TUBB8: variants seen among roughly 807,000 people sequenced by gnomAD.
TUBB8 encodes the protein tubulin beta-8 chain.
A neutral mutation model predicts 33.7 loss-of-function variants in TUBB8; 25 were observed. That is an observed-to-expected ratio of 0.74 (90% CI 0.54 to 1.04). TUBB8 has a LOEUF of 1.04. TUBB8 is among the 50% of genes least tolerant of loss of function. The pLI is 0.00. For missense variants in TUBB8, 279 were observed against 608.0 expected (o/e 0.46, Z 5.69); for synonymous variants, 245 against 240.1 (o/e 1.02, Z -0.19).
At chr10:53,130 TTTA>T (rs1834489367), upstream of TUBB8, among the ~76,000 whole-genome samples, 1 of 151,830 alleles carries the variant, frequency 6.6e-6, no homozygotes, top group Non-Finnish European at 1.5e-5. Flanking sequence ...TTTATTTTTA[TTTA>T]TTATTATTAT....
At chr10:49,466 T>G, upstream of TUBB8, 1 of 674,664 alleles carries the variant, frequency 1.5e-6, no homozygotes, top group Admixed American at 2.1e-5. Flanking sequence ...TGCGTGGTCC[T>G]TTCCACGTTG....
intron 1 of TUBB8, among the ~76,000 whole-genome samples, chr10:72,514 C>T (rs1393625666): frequency 4.6e-5 from 7 of 152,106 alleles, no homozygotes; most frequent in Admixed American, 2.0e-4. Context: ...GCTGAGATCG[C>T]GCCACTGCAG....
chr10:71,923 A>AAAAT (rs1450687879), intron 1 of TUBB8, among the ~76,000 whole-genome samples: 4 of 136,384 alleles, frequency 2.9e-5, no homozygotes, highest in African/African-American at 8.6e-5. Context: ...AAAAAAAAAA[A>AAAAT]TCAATCAATA....
upstream of TUBB8, among the ~76,000 whole-genome samples, chr10:75,526 G>A (rs1834799775): frequency 6.6e-6 from 1 of 150,762 alleles, no homozygotes; most frequent in Non-Finnish European, 1.5e-5. Context: ...GTGGTGGTGG[G>A]CGCCTGTAAT....
chr10:70,282 T>G, intron 1 of TUBB8, among the ~76,000 whole-genome samples: 1 of 150,852 alleles, frequency 6.6e-6, no homozygotes, highest in East Asian at 2.1e-4. Context: ...TTTTGTTTTT[T>G]TATTTTTTTT....
chr10:62,301 T>C (rs1834613303), intron 1 of TUBB8, among the ~76,000 whole-genome samples: 1 of 152,276 alleles, frequency 6.6e-6, no homozygotes, highest in South Asian at 2.1e-4. Context: ...TTGAATATAA[T>C]ATCTTATAAC....
At chr10:68,664 T>C (rs1264621855) in intron 1 of TUBB8, among the ~76,000 whole-genome samples, 2 of 152,230 alleles carry the variant, frequency 1.3e-5, no homozygotes, top group African/African-American at 2.4e-5. Context: ...GTGTAACTTA[T>C]CCCTTCTCTT....
rs200438923 is a variant in TUBB8, at chr10:49,256, G to A, written c.-18C>T. 7.6e-6 allele frequency: 12 copies of A among 1,577,926 alleles called. No homozygotes were observed. Among genetic ancestry groups the A allele is most frequent in the African/African-American group, 1.4e-5 (1 of 73,938 alleles). ...TCCCTCATGGCCAAGGCGGGATTAG[G>A]ACGGCAGGAGAAACGTGAGAAGGAG... On this transcript the variant is annotated 5_prime_UTR_variant, in exon 1 of 4. Coordinates refer to ENST00000568584, the MANE Select transcript of TUBB8 (RefSeq NM_177987.3).
chr10:69,855 G>C (rs187244459), intron 1 of TUBB8, among the ~76,000 whole-genome samples: 3,414 of 112,804 alleles, frequency 0.03, no homozygotes, highest in African/African-American at 0.076. Context: ...GGTGCCAGAG[G>C]ACTCCAGCCT....
At chr10:69,685 G>A (rs3954302) in intron 1 of TUBB8, among the ~76,000 whole-genome samples, 17,849 of 151,392 alleles carry the variant, frequency 0.12, 1,891 homozygotes, top group African/African-American at 0.33. Flanking sequence ...AGCACTTTGG[G>A]GGGATCTGAG....
intron 1 of TUBB8, among the ~76,000 whole-genome samples, chr10:70,096 C>CTTGT (rs1554742112): frequency 1.4e-4 from 22 of 152,306 alleles, no homozygotes; most frequent in Middle Eastern, 6.8e-3. Flanking sequence ...AAACTCTGGT[C>CTTGT]AGTAACAATA....
chr10:49,441 A>G (rs1373790148), upstream of TUBB8: 54 of 705,438 alleles, frequency 7.7e-5, no homozygotes, highest in Middle Eastern at 1.5e-3. Flanking sequence ...ATCTGTTGGA[A>G]AGCTCAGGTG....
intron 1 of TUBB8, among the ~76,000 whole-genome samples, chr10:66,015 A>G (rs7909677): frequency 0.062 from 9,395 of 152,228 alleles, 203 homozygotes; most frequent in Non-Finnish European, 0.08. Context: ...AAACACCACA[A>G]TCGGACTTTA....
At chr10:75,446 G>A (rs1223161671), upstream of TUBB8, among the ~76,000 whole-genome samples, 1 of 151,578 alleles carries the variant, frequency 6.6e-6, no homozygotes, top group African/African-American at 2.4e-5. Flanking sequence ...CCTGAGGTCA[G>A]GAGTTCGAGA....
At chr10:59,748 C>T (rs553939017) in intron 1 of TUBB8, among the ~76,000 whole-genome samples, 339 of 151,926 alleles carry the variant, frequency 2.2e-3, no homozygotes, top group African/African-American at 7.9e-3. Flanking sequence ...ATGTTCTTTC[C>T]TTCTCTATTT....
intron 1 of TUBB8, among the ~76,000 whole-genome samples, chr10:62,247 T>G (rs1331620282): frequency 6.6e-6 from 1 of 152,260 alleles, no homozygotes; most frequent in Non-Finnish European, 1.5e-5. Flanking sequence ...TTTTACTTTT[T>G]GTACATCTGT....
At chr10:61,528 C>T (rs1439869522) in intron 1 of TUBB8, among the ~76,000 whole-genome samples, 3 of 152,196 alleles carry the variant, frequency 2.0e-5, no homozygotes, top group Non-Finnish European at 4.4e-5. Context: ...AACATATGGT[C>T]TATCCTTGAA....
chr10:65,333 C>A (rs1554741441), intron 1 of TUBB8, among the ~76,000 whole-genome samples: 1 of 152,252 alleles, frequency 6.6e-6, no homozygotes, highest in Non-Finnish European at 1.5e-5. Flanking sequence ...CCAACCCATA[C>A]CCAATCCCAT....
intron 2 of TUBB8, 39 bp from the exon 3 acceptor site, chr10:48,764 C>G (rs781945491): frequency 6.2e-7 from 1 of 1,605,804 alleles, no homozygotes; most frequent in South Asian, 1.1e-5. Context: ...GGGAGGGCCG[C>G]GTTCCCAGGA....
Sources: allele counts gnomAD v4.1 joint callset (sites outside exome capture counted in the v4.1 genomes callset), GRCh38; gene constraint gnomAD v4.1.1; transcripts MANE v1.5; gene names NCBI Gene and HGNC (gene_info 2026-07-23, HGNC 2026-07-21).